Variants in SHISAL2B observed in about 807,000 individuals in gnomAD.
SHISAL2B encodes shisa like 2B.
A neutral mutation model predicts 16.5 loss-of-function variants in SHISAL2B; 12 were observed. The observed-to-expected ratio is 0.73, with a 90% CI of 0.47 to 1.18. The LOEUF is 1.18. Ranked by LOEUF, SHISAL2B falls within the 50% of genes most tolerant of loss-of-function variation. The pLI, the probability that SHISAL2B is intolerant of heterozygous loss-of-function variation, is 0.00. For missense variants in SHISAL2B, 183 were observed against 193.6 expected (o/e 0.95, Z 0.33); for synonymous variants, 72 against 75.0 (o/e 0.96, Z 0.21).
intron 2 of SHISAL2B, among the ~76,000 whole-genome samples, chr5:64,706,359 T>C (rs111913027): frequency 2.0e-5 from 3 of 152,318 alleles, no homozygotes; most frequent in African/African-American, 7.2e-5. Flanking sequence ...CAATCAGATA[T>C]GCATTTGTCT....
intron 2 of SHISAL2B, among the ~76,000 whole-genome samples, chr5:64,705,272 G>A (rs1276767167): frequency 6.6e-6 from 1 of 152,078 alleles, no homozygotes; most frequent in Non-Finnish European, 1.5e-5. Flanking sequence ...AATATATAAT[G>A]GAAACAAGAG....
At chr5:64,708,420 A>G (rs1479209355) in intron 2 of SHISAL2B, among the ~76,000 whole-genome samples, 12 of 152,186 alleles carry the variant, frequency 7.9e-5, no homozygotes, top group Non-Finnish European at 2.9e-5. Flanking sequence ...TCATTTAACC[A>G]AAGGGATAAC....
Position 64,717,950 on chromosome 5 carries a change from A to C in SHISAL2B, c.411A>C (p.Glu137Asp). Residue 137 changes from glutamate (E) to aspartate (D), a missense_variant, in exon 3 of 3, where the codon GAA (glutamate) becomes GAC (aspartate). By Grantham distance (45) the Glu-to-Asp change is conservative. Coordinates refer to ENST00000389074, the MANE Select transcript of SHISAL2B (RefSeq NM_001164442.2). ...NSNAASNATN[E>D]TYYEADDIIQ... ...ATGCAGCATCAAATGCAACAAATGAAACATACTATGAAGCTGATGATATAA... is the reference window on the plus strand; with the variant it reads ...ATGCAGCATCAAATGCAACAAATGACACATACTATGAAGCTGATGATATAA... 1 of 1,524,502 alleles carries C rather than the reference A, an allele frequency of 6.6e-7. No homozygotes were observed. The highest frequency in any genetic ancestry group is 8.7e-7 in the Non-Finnish European group (1 of 1,144,342). 94.4% of individuals were successfully genotyped at this position (1,524,502 alleles called of 1,614,324 possible).
chr5:64,715,649 C>T (rs1250452666), intron 2 of SHISAL2B, among the ~76,000 whole-genome samples: 1 of 152,130 alleles, frequency 6.6e-6, no homozygotes, highest in Non-Finnish European at 1.5e-5. Context: ...ATGTGTGATC[C>T]TAAAGTGCTT....
At chr5:64,708,893 T>C (rs989132510) in intron 2 of SHISAL2B, among the ~76,000 whole-genome samples, 5 of 152,122 alleles carry the variant, frequency 3.3e-5, no homozygotes, top group Non-Finnish European at 4.4e-5. Flanking sequence ...AGAAGAGAAG[T>C]AATTGAAATA....
At chr5:64,698,753 A>G (rs187716547) in intron 2 of SHISAL2B, among the ~76,000 whole-genome samples, 88 of 152,280 alleles carry the variant, frequency 5.8e-4, no homozygotes, top group African/African-American at 2.1e-3. Flanking sequence ...GAAAAGTAGG[A>G]GTTTTTGTCT....
chr5:64,709,794 A>G (rs1187952696), intron 2 of SHISAL2B, among the ~76,000 whole-genome samples: 8 of 151,992 alleles, frequency 5.3e-5, no homozygotes, highest in Admixed American at 4.6e-4. Flanking sequence ...GCCAGTGATG[A>G]TGAGCATTTT....
intron 2 of SHISAL2B, among the ~76,000 whole-genome samples, chr5:64,703,672 T>C (rs921376870): frequency 3.9e-5 from 6 of 152,104 alleles, no homozygotes; most frequent in Admixed American, 1.3e-4. Flanking sequence ...TCATCAATGG[T>C]TGGAAGAATT....
Position 64,690,764 on chromosome 5 carries a change from C to T in SHISAL2B, c.141C>T (p.Ser47=). 1 of 1,543,566 alleles carries T rather than the reference C, an allele frequency of 6.5e-7. No homozygotes were observed. Among genetic ancestry groups the T allele is most frequent in the Non-Finnish European group, 8.7e-7 (1 of 1,151,470 alleles). ...CGFADLKYCC[S]EPGSYFPYKH... is the part of the protein sequence containing the mutation. ...TCGCCGACCTCAAGTACTGCTGCAG[C>T]GAGCCGGGCAGCTACTTCCCCTACA... The change falls in exon 1 of 3, where the codon AGC becomes AGT. Residue 47 remains serine, a synonymous_variant. Coordinates refer to ENST00000389074, the MANE Select transcript of SHISAL2B (RefSeq NM_001164442.2).
chr5:64,695,605 C>T lies in SHISAL2B; in HGVS notation c.290C>T (p.Pro97Leu), dbSNP rs369208300. Residue 97 changes from proline (P) to leucine (L), a missense_variant, in exon 2 of 3, where the codon CCT (proline) becomes CTT (leucine). Pro to Leu is a moderately conservative substitution (Grantham distance 98). Transcript: ENST00000389074. ...TGCTATTTATTTCTGTATACGAAAC[C>T]TCAAAGATTAGACACTGGCCTTAAG... ...VLCYLFLYTK[P>L]QRLDTGLKLQ... 36 of 1,536,662 alleles carry T rather than the reference C, an allele frequency of 2.3e-5. No individual in the cohort carries two copies. In the African/African-American group the frequency reaches 4.7e-4, roughly 20 times the overall value.
chr5:64,707,242 CT>C (rs1741886550), intron 2 of SHISAL2B, among the ~76,000 whole-genome samples: 2 of 151,940 alleles, frequency 1.3e-5, no homozygotes, highest in Admixed American at 1.3e-4. Flanking sequence ...TCAGATAAGA[CT>C]TTTTATTTAT....
intron 2 of SHISAL2B, among the ~76,000 whole-genome samples, chr5:64,700,959 C>CGGAA (rs1561375271): frequency 1.3e-5 from 2 of 152,164 alleles, no homozygotes; most frequent in Admixed American, 1.3e-4. Flanking sequence ...GGAGGTGGAG[C>CGGAA]GGAAGCAGTA....
chr5:64,701,071 T>C (rs1741802798), intron 2 of SHISAL2B, among the ~76,000 whole-genome samples: 1 of 152,216 alleles, frequency 6.6e-6, no homozygotes, highest in Non-Finnish European at 1.5e-5. Flanking sequence ...ACCCCTGCTT[T>C]AAATCATCTC....
chr5:64,714,378 G>A (rs1030256244), intron 2 of SHISAL2B, among the ~76,000 whole-genome samples: 7 of 147,438 alleles, frequency 4.7e-5, no homozygotes, highest in African/African-American at 1.6e-4. Context: ...GGACCCACTT[G>A]AGGAGGCAGT....
chr5:64,699,108 G>A (rs1741774357), intron 2 of SHISAL2B, among the ~76,000 whole-genome samples: 1 of 152,166 alleles, frequency 6.6e-6, no homozygotes, highest in Admixed American at 6.5e-5. Context: ...ATAGTTAGAT[G>A]AGGCTGCTTA....
At chr5:64,696,824 G>T (rs1449107771) in intron 2 of SHISAL2B, among the ~76,000 whole-genome samples, 2 of 152,174 alleles carry the variant, frequency 1.3e-5, no homozygotes, top group African/African-American at 4.8e-5. Flanking sequence ...AGGAGTTTTT[G>T]ATTTCGCCCT....
intron 2 of SHISAL2B, among the ~76,000 whole-genome samples, chr5:64,702,490 G>A (rs546752318): frequency 5.3e-5 from 8 of 151,974 alleles, no homozygotes; most frequent in Non-Finnish European, 8.8e-5. Context: ...GTGAGCCACC[G>A]CACCTGGCCC....
intron 2 of SHISAL2B, among the ~76,000 whole-genome samples, chr5:64,700,114 G>A (rs1363589284): frequency 2.0e-5 from 3 of 152,196 alleles, no homozygotes; most frequent in African/African-American, 7.2e-5. Flanking sequence ...GACGTACAAA[G>A]AAAAAGATGG....
chr5:64,714,373 C>A (rs1015726803), intron 2 of SHISAL2B, among the ~76,000 whole-genome samples: 9 of 147,024 alleles, frequency 6.1e-5, no homozygotes, highest in East Asian at 4.0e-4. Flanking sequence ...GTCAGGGACC[C>A]ACTTGAGGAG....
Sources: gnomAD v4.1 joint callset for allele counts (sites outside exome capture counted in the v4.1 genomes callset) on GRCh38, gnomAD v4.1.1 for gene constraint, MANE v1.5 for transcripts, NCBI Gene and HGNC (gene_info 2026-07-23, HGNC 2026-07-21) for gene names.